ZNF20: variants seen among roughly 807,000 people sequenced by gnomAD.
ZNF20 encodes the protein zinc finger protein 20.
Under a neutral mutation model 11.0 loss-of-function variants are expected in ZNF20, and 9 were observed. The observed-to-expected ratio is 0.82, with a 90% CI of 0.49 to 1.43. The LOEUF is 1.43. ZNF20 is among the 40% of genes most tolerant of loss of function. The pLI is 0.00. For missense variants in ZNF20, 528 were observed against 640.8 expected, an observed-to-expected ratio of 0.82 and a Z score of 1.90; for synonymous variants, 182 against 213.0, an observed-to-expected ratio of 0.85 and a Z score of 1.27.
Position 12,132,679 on chromosome 19 carries a change from C to G in ZNF20, c.1507G>C (p.Glu503Gln), listed in dbSNP as rs1976641457. ...CATTGCTTGCATTGATAGGGTTTCT[C>G]TCCAGTGTGAGTCCTTTCATGATAT... Reference protein sequence around the residue: ...IRYHERTHTGEKPYQCKQCGK... With the variant: ...IRYHERTHTGQKPYQCKQCGK... The change falls in exon 4 of 4, where the codon GAG becomes CAG. Residue 503 changes from glutamate to glutamine, a missense_variant. By Grantham distance (29) the Glu-to-Gln change is conservative (BLOSUM62 2). Transcript: ENST00000334213. The G allele has an allele frequency of 6.2e-7, 1 of 1,614,024 alleles. No homozygotes were observed. Among genetic ancestry groups the G allele is most frequent in the Non-Finnish European group, 8.5e-7 (1 of 1,180,020 alleles).
In ZNF20 at chr19:12,131,501, C is replaced by T. The variant is rs1245060911; in HGVS notation, c.*1086G>A. The T allele has an allele frequency of 6.6e-6, 1 of 152,112 alleles. No homozygotes were observed. The highest frequency in any genetic ancestry group is 2.4e-5 in the African/African-American group (1 of 41,414). 9.4% of individuals were successfully genotyped at this position (152,112 alleles called of 1,614,324 possible). A position where few individuals can be genotyped will look rare whatever the true frequency, so the allele number is the denominator to read the frequency against. ...TGGTGGTCTTTGGTCAGAAGTCACTCATAAGAACATGAGATCACCTTTGGT... is the reference window on the plus strand; with the variant it reads ...TGGTGGTCTTTGGTCAGAAGTCACTTATAAGAACATGAGATCACCTTTGGT... On this transcript the variant is annotated 3_prime_UTR_variant, in exon 4 of 4. Coordinates refer to ENST00000334213, the MANE Select transcript of ZNF20 (RefSeq NM_021143.4).
At position 12,132,575 on chromosome 19, in the gene ZNF20, T is replaced by C; in HGVS notation, c.*12A>G. On this transcript the variant is annotated 3_prime_UTR_variant, in exon 4 of 4. Coordinates refer to ENST00000334213, the MANE Select transcript of ZNF20 (RefSeq NM_021143.4). ...AGAAAGCTTCTCCCGTTGCTTCCAC[T>C]AAAAGGATTTCTCATCTATTAATGG... 6.4e-7 allele frequency: 1 copy of C among 1,553,318 alleles called. No individual in the cohort carries two copies. Among genetic ancestry groups the C allele is most frequent in the Non-Finnish European group, 8.7e-7 (1 of 1,154,254 alleles).
At position 12,133,770 on chromosome 19, in the gene ZNF20, C is replaced by T. The variant is rs1344656036; in HGVS notation, c.416G>A (p.Gly139Glu). The T allele has an allele frequency of 6.2e-7, 1 of 1,614,170 alleles. No individual in the cohort carries two copies. The highest frequency in any genetic ancestry group is 1.1e-5 in the South Asian group (1 of 91,074). Residue 139 changes from glycine (G) to glutamate (E), a missense_variant, in exon 4 of 4, where the codon GGA (glycine) becomes GAA (glutamate). Physicochemically the swap from Gly to Glu is moderately conservative, Grantham distance 98. Transcript: ENST00000334213. The stretch of plus-strand genomic sequence containing the variant: ...TTCCTTATTTCTATATGGATTCTCT[C>T]CATATTCCTGATACTCAGATGACTT... ...GHKSSEYQEY[G>E]ENPYRNKECK...
rs1599430756 is a variant in ZNF20, at chr19:12,132,407, T to C, written c.*180A>G. The stretch of plus-strand genomic sequence containing the variant: ...TTGAAATCTCATGCAAGATTGGCTA[T>C]AGGTGAATTGTATTACGAAACCATC... On this transcript the variant is annotated 3_prime_UTR_variant, in exon 4 of 4. Transcript: ENST00000334213. 1.6e-6 allele frequency: 1 copy of C among 620,896 alleles called. No homozygotes were observed. The highest frequency in any genetic ancestry group is 2.7e-6 in the Non-Finnish European group (1 of 373,646). 38.5% of individuals were successfully genotyped at this position (620,896 alleles called of 1,614,324 possible). A position where few individuals can be genotyped will look rare whatever the true frequency, so the allele number is the denominator to read the frequency against.
intron 3 of ZNF20, among the ~76,000 whole-genome samples, chr19:12,135,273 G>T (rs1041145000): frequency 2.1e-4 from 32 of 152,002 alleles, no homozygotes; most frequent in Non-Finnish European, 2.4e-4. Flanking sequence ...CCAAGTAGCT[G>T]GGACTACAGG....
chr19:12,133,580 CTTACAT>C lies in ZNF20; in HGVS notation c.600_605del (p.Cys201_Lys202del). 6.2e-7 allele frequency: 1 copy of C among 1,614,202 alleles called. No homozygotes were observed. Among genetic ancestry groups the C allele is most frequent in the Non-Finnish European group, 8.5e-7 (1 of 1,180,044 alleles). On this transcript the variant is annotated inframe_deletion, in exon 4 of 4. Coordinates refer to ENST00000334213, the MANE Select transcript of ZNF20 (RefSeq NM_021143.4). The stretch of plus-strand genomic sequence containing the variant: ...GAAAATAGAAGGCTTTCCCACAAAA[CTTACAT>C]TTATAAGGTCCATCTCCACTGTGCA...
At chr19:12,138,010 G>C (rs888756716) in intron 1 of ZNF20, among the ~76,000 whole-genome samples, 29 of 152,164 alleles carry the variant, frequency 1.9e-4, no homozygotes, top group Non-Finnish European at 2.9e-5. Flanking sequence ...CTATCCTCTG[G>C]GAGGACTGAC....
chr19:12,134,627 A>G (rs1976681023), intron 3 of ZNF20, among the ~76,000 whole-genome samples: 1 of 152,204 alleles, frequency 6.6e-6, no homozygotes, highest in African/African-American at 2.4e-5. Flanking sequence ...TGGGTGACAC[A>G]GCGAGACTCT....
rs1407862314 is a variant in ZNF20, at chr19:12,140,034, G to A, written c.3+146C>T. 4 of 1,104,288 alleles carry A rather than the reference G, an allele frequency of 3.6e-6. No homozygotes were observed. The African/African-American group carries it at 6.3e-5, about 17-fold the overall frequency. 68.4% of individuals were successfully genotyped at this position (1,104,288 alleles called of 1,614,324 possible). On this transcript the variant is annotated intron_variant, in intron 1 of 3. Transcript: ENST00000334213. ...CGGCCCAGCCGCACCCTGCGGCCGA[G>A]GGGACGCAGGGACGAGCTGAGACAG... is the stretch of plus-strand genomic sequence containing the variant.
rs2145597530 is a variant in ZNF20, at chr19:12,133,533, T to C, written c.653A>G (p.Glu218Gly). 1 of 1,614,206 alleles carries C rather than the reference T, an allele frequency of 6.2e-7. No individual in the cohort carries two copies. The highest frequency in any genetic ancestry group is 2.2e-5 in the East Asian group (1 of 44,862). The change falls in exon 4 of 4, where the codon GAA becomes GGA. Residue 218 changes from glutamate to glycine, a missense_variant. Coordinates refer to ENST00000334213, the MANE Select transcript of ZNF20 (RefSeq NM_021143.4). ...TGGTTTCACACCAGTGTGAATTCGT[T>C]CATGGATAAGACATAAATTGAGAAA... ...FYFLNLCLIH[E>G]RIHTGVKPYK...
chr19:12,135,354 C>T (rs1976693382), intron 3 of ZNF20, 146 bp downstream of exon 3: 4 of 748,930 alleles, frequency 5.3e-6, no homozygotes, highest in South Asian at 4.8e-5. Context: ...ATTGGCCGGG[C>T]TGGTCTCGAA....
In ZNF20 at chr19:12,139,565, C is replaced by T. The variant is rs1027810382; in HGVS notation, c.3+615G>A. Among the ~76,000 whole-genome samples the T allele has an allele frequency of 6.6e-6, 1 of 150,770 alleles. No individual in the cohort carries two copies. The highest frequency in any genetic ancestry group is 6.6e-5 in the Admixed American group (1 of 15,096). ...TTTTTTTTTGAGATGGAATCTCGCT[C>T]TGTCCCCTAGGTTGGAGTGCAGTGG... On this transcript the variant is annotated intron_variant, in intron 1 of 3. Transcript: ENST00000334213. The surrounding 1 kb of genome is among the most constrained non-coding windows in gnomAD (Gnocchi z 4.0).
In ZNF20 at chr19:12,139,773, G is replaced by A. The variant is rs575794133; in HGVS notation, c.3+407C>T. ...TCTCGATCTCCTGACTTCGTGATCCGCAAGCCTCGGCCTCCCAAAGTGCTG... is the reference window on the plus strand; with the variant it reads ...TCTCGATCTCCTGACTTCGTGATCCACAAGCCTCGGCCTCCCAAAGTGCTG... On this transcript the variant is annotated intron_variant, in intron 1 of 3. Transcript: ENST00000334213. The surrounding 1 kb of genome is among the most constrained non-coding windows in gnomAD (Gnocchi z 4.0). Among the ~76,000 whole-genome samples, 1 of 152,094 alleles carries A rather than the reference G, an allele frequency of 6.6e-6. No individual in the cohort carries two copies. The highest frequency in any genetic ancestry group is 1.9e-4 in the East Asian group (1 of 5,168).
chr19:12,138,117 G>A (rs1411203532), intron 1 of ZNF20, among the ~76,000 whole-genome samples: 1 of 152,140 alleles, frequency 6.6e-6, no homozygotes, highest in Non-Finnish European at 1.5e-5. Flanking sequence ...GGAAAAGATA[G>A]ATTGGGACTC....
intron 3 of ZNF20, among the ~76,000 whole-genome samples, chr19:12,135,179 A>C (rs111679015): frequency 6.8e-6 from 1 of 146,340 alleles, no homozygotes; most frequent in African/African-American, 2.6e-5. Flanking sequence ...TCGCTCTGTC[A>C]CCCAGGCTGG....
chr19:12,137,588 C>T (rs1568384899), intron 1 of ZNF20: 1 of 152,362 alleles, frequency 6.6e-6, no homozygotes, highest in South Asian at 2.1e-4. Context: ...TAAGAGAAAC[C>T]TCCTTGGGCA....
chr19:12,138,287 T>C (rs1041836448), intron 1 of ZNF20, among the ~76,000 whole-genome samples: 11 of 151,958 alleles, frequency 7.2e-5, no homozygotes, highest in African/African-American at 2.7e-4. Flanking sequence ...ACCCCATCTC[T>C]ACTTAAAATA....
At chr19:12,135,656 C>T in intron 2 of ZNF20, 96 bp from the exon 3 acceptor site, 1 of 1,584,984 alleles carries the variant, frequency 6.3e-7, no homozygotes, top group South Asian at 1.1e-5. Context: ...GGTAGCCATG[C>T]CTGATTTATT....
intron 1 of ZNF20, 56 bp from the exon 2 acceptor site, chr19:12,135,960 ATTCCTAAGAAG>A: frequency 6.3e-7 from 1 of 1,586,264 alleles, no homozygotes; most frequent in South Asian, 1.1e-5. Context: ...CCTATACTTT[ATTCCTAAGAAG>A]TTCTCATGAT....
Sources: allele counts gnomAD v4.1 joint callset (sites outside exome capture counted in the v4.1 genomes callset), GRCh38; gene constraint gnomAD v4.1.1; non-coding constraint Gnocchi (gnomAD v3.1); transcripts MANE v1.5; gene names NCBI Gene and HGNC (gene_info 2026-07-23, HGNC 2026-07-21).